TMEM132C: variants seen among roughly 807,000 people sequenced by gnomAD.
TMEM132C encodes the protein protein phosphatase 1, regulatory subunit 152.
In TMEM132C, 29 loss-of-function variants were observed where a neutral mutation model predicts 61.4. The observed-to-expected ratio is 0.47, with a 90% CI of 0.35 to 0.64. TMEM132C has a LOEUF of 0.64. Ranked by LOEUF, TMEM132C falls within the 30% of genes least tolerant of loss-of-function variation. The pLI, the probability that TMEM132C is intolerant of heterozygous loss-of-function variation, is 0.00. For missense variants in TMEM132C, 1,408 were observed against 1,476.9 expected (o/e 0.95, Z 0.76); for synonymous variants, 656 against 633.1 (o/e 1.04, Z -0.54).
At chr12:128,697,144 G>A (rs966164254) in intron 7 of TMEM132C, 80 bp from the exon 8 acceptor site, 2 of 1,309,786 alleles carry the variant, frequency 1.5e-6, no homozygotes, top group Non-Finnish European at 2.1e-6. Flanking sequence ...CTGTTGGGAT[G>A]GAAGAAATAT....
At chr12:128,622,772 G>A (rs996704661) in intron 4 of TMEM132C, among the ~76,000 whole-genome samples, 2 of 152,056 alleles carry the variant, frequency 1.3e-5, no homozygotes. Flanking sequence ...AGGGATTGGA[G>A]AATATTGCTT....
chr12:128,325,261 T>C (rs553833091), intron 1 of TMEM132C, among the ~76,000 whole-genome samples: 1 of 152,182 alleles, frequency 6.6e-6, no homozygotes, highest in Non-Finnish European at 1.5e-5. Context: ...CTAAATTCAA[T>C]GCCCAGAATC....
chr12:128,567,956 G>A (rs1445789024), intron 3 of TMEM132C, among the ~76,000 whole-genome samples: 2 of 152,210 alleles, frequency 1.3e-5, no homozygotes, highest in African/African-American at 4.8e-5. Flanking sequence ...GTGGCCTAGA[G>A]ATAGAGATGA....
At chr12:128,290,666 A>G (rs1026619303) in intron 1 of TMEM132C, among the ~76,000 whole-genome samples, 1 of 152,110 alleles carries the variant, frequency 6.6e-6, no homozygotes, top group Non-Finnish European at 1.5e-5. Context: ...CAACCAACAT[A>G]CAAGTCAGCA....
At chr12:128,455,504 C>T (rs1316872919) in intron 2 of TMEM132C, among the ~76,000 whole-genome samples, 16 of 152,288 alleles carry the variant, frequency 1.1e-4, no homozygotes, top group Middle Eastern at 6.8e-3. Flanking sequence ...CCTTATTCAT[C>T]GTGAGAGAAA....
intron 2 of TMEM132C, among the ~76,000 whole-genome samples, chr12:128,484,285 G>T (rs1243584583): frequency 1.3e-5 from 2 of 152,156 alleles, no homozygotes; most frequent in East Asian, 1.9e-4. Flanking sequence ...AATGGCCAAG[G>T]TTTTGAACTT....
rs529513368 is a variant in TMEM132C, at chr12:128,300,035, C to T, written c.85+32548C>T. ...ACTAGACTAGACACAATAAGAAATA[C>T]AAAACTCAAGACAGGTAAGAGCAAG... On this transcript the variant is annotated intron_variant, in intron 1 of 8. Transcript: ENST00000435159. Among the ~76,000 whole-genome samples, 61 of 152,294 alleles carry T rather than the reference C, an allele frequency of 4.0e-4. 1 individual carries two copies. The South Asian group carries it at 0.012, about 30-fold the overall frequency.
chr12:128,570,214 G>A lies in TMEM132C; in HGVS notation c.1121+26111G>A, dbSNP rs977778153. ...AAAATATCTACACCTCCCCACCCCC[G>A]CACCCCCCACACACTCACACTGTGG... On this transcript the variant is annotated intron_variant, in intron 3 of 8. Transcript: ENST00000435159. The surrounding 1 kb of genome is among the most constrained non-coding windows in gnomAD (Gnocchi z 4.7). 2.7e-5 allele frequency among the ~76,000 whole-genome samples: 4 copies of A among 148,480 alleles called. No individual in the cohort carries two copies. The highest frequency in any genetic ancestry group is 2.2e-4 in the South Asian group (1 of 4,626).
chr12:128,549,686 G>A (rs1874092062), intron 3 of TMEM132C, among the ~76,000 whole-genome samples: 1 of 152,132 alleles, frequency 6.6e-6, no homozygotes, highest in African/African-American at 2.4e-5. Context: ...CTCAGCATAG[G>A]ATGAACAGGG....
At chr12:128,631,446 A>T (rs1319319259) in intron 4 of TMEM132C, among the ~76,000 whole-genome samples, 3 of 152,116 alleles carry the variant, frequency 2.0e-5, no homozygotes, top group African/African-American at 7.2e-5. Flanking sequence ...ATCATTCTTC[A>T]TCTCTTCACC....
intron 1 of TMEM132C, among the ~76,000 whole-genome samples, chr12:128,375,435 C>T (rs1483862133): frequency 6.6e-6 from 1 of 152,156 alleles, no homozygotes; most frequent in Non-Finnish European, 1.5e-5. Context: ...TGGCTCCAGG[C>T]AGCACCTGGT....
chr12:128,476,272 A>G (rs2136086534), intron 2 of TMEM132C, among the ~76,000 whole-genome samples: 1 of 152,294 alleles, frequency 6.6e-6, no homozygotes, highest in East Asian at 1.9e-4. Context: ...AGCTCCTGGG[A>G]GTCGGAATCC....
chr12:128,647,133 T>TGAGTGTGTTTACTGGATCCCATCAGTGG (rs1954209924), intron 4 of TMEM132C, among the ~76,000 whole-genome samples: 1 of 150,174 alleles, frequency 6.7e-6, no homozygotes, highest in African/African-American at 2.5e-5. Flanking sequence ...CCCATCAGTG[T>TGAGTGTGTTTACTGGATCCCATCAGTGG]TGGATGTGAG....
At chr12:128,359,212 T>C (rs989386703) in intron 1 of TMEM132C, among the ~76,000 whole-genome samples, 1 of 152,196 alleles carries the variant, frequency 6.6e-6, no homozygotes, top group African/African-American at 2.4e-5. Flanking sequence ...TACCTGACAC[T>C]GAGTAATTTA....
intron 3 of TMEM132C, among the ~76,000 whole-genome samples, chr12:128,591,743 A>T (rs1875758515): frequency 6.6e-6 from 1 of 152,104 alleles, no homozygotes; most frequent in South Asian, 2.1e-4. Context: ...CTTTTATTGA[A>T]GTATTTGCCA....
In TMEM132C at chr12:128,368,394, A is replaced by G. The variant is rs564364220; in HGVS notation, c.86-46338A>G. Among the ~76,000 whole-genome samples, 12 of 152,346 alleles carry G rather than the reference A, an allele frequency of 7.9e-5. No homozygotes were observed. In the East Asian group the frequency reaches 2.3e-3, roughly 29 times the overall value. On this transcript the variant is annotated intron_variant, in intron 1 of 8. Coordinates refer to ENST00000435159, the MANE Select transcript of TMEM132C (RefSeq NM_001136103.3). ...ATCCAGTCTAGCTCCGAAAAGGTCC[A>G]GTCAATCTTGGGCACTTTACCTACT... is the stretch of plus-strand genomic sequence containing the variant.
chr12:128,348,709 C>T (rs1873247751), intron 1 of TMEM132C, among the ~76,000 whole-genome samples: 2 of 152,202 alleles, frequency 1.3e-5, no homozygotes, highest in African/African-American at 4.8e-5. Flanking sequence ...CCAAGAAGAC[C>T]TGGTAATCCT....
intron 3 of TMEM132C, among the ~76,000 whole-genome samples, chr12:128,566,339 TTGTG>T (rs1444822683): frequency 2.0e-5 from 3 of 152,226 alleles, no homozygotes; most frequent in African/African-American, 7.2e-5. Context: ...GATTGACATT[TTGTG>T]TGCATATTTC....
At chr12:128,311,481 G>A (rs1801142884) in intron 1 of TMEM132C, among the ~76,000 whole-genome samples, 1 of 152,138 alleles carries the variant, frequency 6.6e-6, no homozygotes, top group African/African-American at 2.4e-5. Context: ...GAGGGGACCC[G>A]CTTCTCTGCC....
Sources: gnomAD v4.1 joint callset for allele counts (sites outside exome capture counted in the v4.1 genomes callset) on GRCh38, gnomAD v4.1.1 for gene constraint, Gnocchi (gnomAD v3.1) non-coding constraint, MANE v1.5 for transcripts, NCBI Gene and HGNC (gene_info 2026-07-23, HGNC 2026-07-21) for gene names.